The following ADGRL4 variants were observed in gnomAD, a reference collection of about 807,000 sequenced individuals.
The protein encoded by ADGRL4 is adhesion G protein-coupled receptor L4.
Under a neutral mutation model 74.8 loss-of-function variants are expected in ADGRL4, and 90 were observed. That is an observed-to-expected ratio of 1.20 (90% CI 1.02 to 1.43). The LOEUF is 1.43. Among genes scored for constraint, ADGRL4 ranks in the 40% most tolerant of loss-of-function variants. ADGRL4 has a pLI of 0.00. For missense variants in ADGRL4, 881 were observed against 814.3 expected (o/e 1.08, Z -1.00); for synonymous variants, 311 against 279.2 (o/e 1.11, Z -1.14).
chr1:78,966,823 TCAGTCAG>T (rs1650065930), intron 2 of ADGRL4, among the ~76,000 whole-genome samples: 1 of 151,876 alleles, frequency 6.6e-6, no homozygotes, highest in African/African-American at 2.4e-5. Flanking sequence ...TTCCACCCTA[TCAGTCAG>T]CAGTTAACTT....
chr1:78,938,237 A>C lies in ADGRL4; in HGVS notation c.439T>G (p.Tyr147Asp), dbSNP rs1378305790. The change falls in exon 5 of 15, where the codon TAT (tyrosine) becomes GAT (aspartate). Residue 147 changes from tyrosine (Y) to aspartate (D), a missense_variant. Coordinates refer to ENST00000370742, the MANE Select transcript of ADGRL4 (RefSeq NM_022159.4). The part of the protein sequence containing the change: ...KEPVALLQEV[Y>D]RNSVTDLSPT... ...GAAAGATCTGTCACAGAATTTCTAT[A>C]GACTTCTTGTAGCAAAGCCACAGGT... 6.2e-7 allele frequency: 1 copy of C among 1,608,912 alleles called. No homozygotes were observed. Among genetic ancestry groups the C allele is most frequent in the Non-Finnish European group, 8.5e-7 (1 of 1,178,840 alleles).
chr1:78,993,454 G>A (rs1459271279), intron 2 of ADGRL4, among the ~76,000 whole-genome samples: 2 of 152,142 alleles, frequency 1.3e-5, no homozygotes, highest in Non-Finnish European at 2.9e-5. Context: ...TGGTTCATTG[G>A]AAGTGAATGA....
chr1:78,940,923 A>G (rs1436130257), intron 3 of ADGRL4, among the ~76,000 whole-genome samples: 1 of 152,218 alleles, frequency 6.6e-6, no homozygotes, highest in African/African-American at 2.4e-5. Flanking sequence ...AGAAAGCTCC[A>G]TTCACTAGAA....
intron 12 of ADGRL4, among the ~76,000 whole-genome samples, chr1:78,902,886 G>GAA (rs1261988032): frequency 6.6e-6 from 1 of 152,052 alleles, no homozygotes; most frequent in Non-Finnish European, 1.5e-5. Context: ...AGGGATTAAA[G>GAA]AATGTGGTAA....
At chr1:78,932,613 C>CAAAAAAAAAAAA (rs557004722) in intron 7 of ADGRL4, among the ~76,000 whole-genome samples, 1 of 57,300 alleles carries the variant, frequency 1.7e-5, no homozygotes, top group Non-Finnish European at 3.8e-5. Flanking sequence ...AAAACCCCTC[C>CAAAAAAAAAAAA]AAAAAAAAAA....
chr1:78,922,911 C>T (rs2100674004), intron 8 of ADGRL4, among the ~76,000 whole-genome samples: 1 of 151,984 alleles, frequency 6.6e-6, no homozygotes, highest in South Asian at 2.1e-4. Context: ...AAAGTATCAG[C>T]TCTTCAAGGA....
At chr1:78,939,409 A>G (rs1208081082) in intron 3 of ADGRL4, 151 bp from the exon 4 acceptor site, 4 of 897,478 alleles carry the variant, frequency 4.5e-6, no homozygotes, top group Non-Finnish European at 5.8e-6. Flanking sequence ...TAGAATGTGC[A>G]ATATTTTACA....
At chr1:78,966,175 G>A (rs1650052026) in intron 2 of ADGRL4, among the ~76,000 whole-genome samples, 1 of 152,114 alleles carries the variant, frequency 6.6e-6, no homozygotes, top group Non-Finnish European at 1.5e-5. Context: ...TGGAGCCATG[G>A]GAAGTTCATG....
intron 2 of ADGRL4, among the ~76,000 whole-genome samples, chr1:78,959,959 T>C (rs928151743): frequency 3.3e-5 from 5 of 152,166 alleles, no homozygotes; most frequent in Non-Finnish European, 7.4e-5. Flanking sequence ...AAAGCCTAAA[T>C]GCCCAACACA....
chr1:78,994,479 T>C (rs1650675809), intron 2 of ADGRL4, among the ~76,000 whole-genome samples: 2 of 152,182 alleles, frequency 1.3e-5, no homozygotes, highest in Non-Finnish European at 2.9e-5. Context: ...TTTCCAAGGT[T>C]ACAATAAAAA....
At chr1:78,984,501 G>T (rs1650456467) in intron 2 of ADGRL4, among the ~76,000 whole-genome samples, 1 of 151,750 alleles carries the variant, frequency 6.6e-6, no homozygotes, top group Admixed American at 6.6e-5. Flanking sequence ...CTTGAGACTA[G>T]CCTCAATCTT....
chr1:78,909,820 C>T (rs1648721991), intron 12 of ADGRL4, among the ~76,000 whole-genome samples: 2 of 151,628 alleles, frequency 1.3e-5, no homozygotes, highest in Non-Finnish European at 2.9e-5. Flanking sequence ...GTAATAGATA[C>T]ATGAAATTAT....
chr1:79,006,561 T>C, intron 1 of ADGRL4, 72 bp downstream of exon 1: 1 of 1,515,658 alleles, frequency 6.6e-7, no homozygotes, highest in East Asian at 2.6e-5. Flanking sequence ...CTCCACCTCT[T>C]AAAAAATCCA....
chr1:78,927,148 C>A, intron 7 of ADGRL4, 57 bp from the exon 8 acceptor site: 1 of 1,129,070 alleles, frequency 8.9e-7, no homozygotes, highest in Non-Finnish European at 1.3e-6. Flanking sequence ...TGTATTTAGA[C>A]TCTTAAGATA....
chr1:78,938,235 A>G lies in ADGRL4; in HGVS notation c.441T>C (p.Tyr147=), dbSNP rs373852001. 2.5e-5 allele frequency: 41 copies of G among 1,609,240 alleles called. No homozygotes were observed. The highest frequency in any genetic ancestry group is 3.3e-5 in the Non-Finnish European group (39 of 1,178,930). Residue 147 remains tyrosine (Y), a synonymous_variant, in exon 5 of 15, where the codon TAT becomes TAC. Coordinates refer to ENST00000370742, the MANE Select transcript of ADGRL4 (RefSeq NM_022159.4). ...GTGAAAGATCTGTCACAGAATTTCTATAGACTTCTTGTAGCAAAGCCACAG... is the reference window on the plus strand; with the variant it reads ...GTGAAAGATCTGTCACAGAATTTCTGTAGACTTCTTGTAGCAAAGCCACAG... ...KEPVALLQEV[Y]RNSVTDLSPT... is the part of the protein sequence containing the mutation.
intron 9 of ADGRL4, 84 bp downstream of exon 9, chr1:78,921,529 A>T (rs74948984): frequency 1.1e-6 from 1 of 897,224 alleles, no homozygotes; most frequent in Non-Finnish European, 1.6e-6. Flanking sequence ...AAAAATATAT[A>T]AAAAATTAAA....
At chr1:78,947,260 T>A (rs1171851942) in intron 2 of ADGRL4, among the ~76,000 whole-genome samples, 1 of 152,168 alleles carries the variant, frequency 6.6e-6, no homozygotes, top group East Asian at 1.9e-4. Context: ...GCCCTTTGGA[T>A]ATGTTATTAA....
chr1:78,949,920 C>A (rs970722699), intron 2 of ADGRL4, among the ~76,000 whole-genome samples: 2 of 152,056 alleles, frequency 1.3e-5, no homozygotes, highest in African/African-American at 4.8e-5. Context: ...ATAAAAAATT[C>A]TTCCTCGTTC....
intron 3 of ADGRL4, 85 bp downstream of exon 3, chr1:78,946,189 G>T: frequency 2.8e-6 from 3 of 1,078,546 alleles, no homozygotes; most frequent in African/African-American, 1.6e-5. Flanking sequence ...AGGTCTGGCA[G>T]AATTTGGTTT....
Sources: allele counts gnomAD v4.1 joint callset (sites outside exome capture counted in the v4.1 genomes callset), GRCh38; gene constraint gnomAD v4.1.1; transcripts MANE v1.5; gene names NCBI Gene and HGNC (gene_info 2026-07-23, HGNC 2026-07-21).